The following CCR3 variants were observed in gnomAD, a reference collection of about 807,000 sequenced individuals.
CCR3 encodes C-C chemokine receptor type 3.
For missense variants in CCR3, 419 were observed against 437.5 expected, an observed-to-expected ratio of 0.96 and a Z score of 0.38; for synonymous variants, 203 against 179.2, an observed-to-expected ratio of 1.13 and a Z score of -1.06.
chr3:46,216,635 C>T (rs1404944919), intron 2 of CCR3, among the ~76,000 whole-genome samples: 1 of 152,094 alleles, frequency 6.6e-6, no homozygotes, highest in Non-Finnish European at 1.5e-5. Flanking sequence ...ATAATGAAAA[C>T]CTATCAGATT....
At chr3:46,234,282 T>C (rs1699999717) in intron 2 of CCR3, among the ~76,000 whole-genome samples, 1 of 152,214 alleles carries the variant, frequency 6.6e-6, no homozygotes, top group Non-Finnish European at 1.5e-5. Flanking sequence ...CAGTGCATGC[T>C]TTTATCCTAA....
intron 2 of CCR3, among the ~76,000 whole-genome samples, chr3:46,218,749 T>A (rs1333012708): frequency 6.6e-6 from 1 of 152,076 alleles, no homozygotes; most frequent in East Asian, 1.9e-4. Context: ...CTCAATAGAT[T>A]CAGAAAAAGT....
chr3:46,222,095 C>T (rs1261696266), intron 2 of CCR3, among the ~76,000 whole-genome samples: 3 of 152,208 alleles, frequency 2.0e-5, no homozygotes, highest in Non-Finnish European at 4.4e-5. Flanking sequence ...CTCTCTAGGA[C>T]AATAAGGCGT....
intron 1 of CCR3, among the ~76,000 whole-genome samples, chr3:46,253,054 G>A (rs919123362): frequency 6.6e-6 from 1 of 152,068 alleles, no homozygotes; most frequent in Non-Finnish European, 1.5e-5. Flanking sequence ...CAGAGACTCT[G>A]ATTTAATTGT....
chr3:46,262,573 T>G (rs17283712), intron 1 of CCR3, among the ~76,000 whole-genome samples: 8,757 of 152,298 alleles, frequency 0.057, 386 homozygotes, highest in South Asian at 0.19. Context: ...CACTATTTTG[T>G]ATCTAAGTAT....
intron 1 of CCR3, chr3:46,263,689 A>ACTT (rs1700567124): frequency 6.6e-6 from 1 of 152,116 alleles, no homozygotes; most frequent in African/African-American, 2.4e-5. Flanking sequence ...ATTTTTCCTC[A>ACTT]TCACAACCCC....
At chr3:46,233,912 G>A (rs1027676871) in intron 2 of CCR3, among the ~76,000 whole-genome samples, 2 of 152,198 alleles carry the variant, frequency 1.3e-5, no homozygotes, top group African/African-American at 4.8e-5. Flanking sequence ...TGTGGCTTTT[G>A]CCAAGTCCCT....
At position 46,246,876 on chromosome 3, in the gene CCR3, G is replaced by C. The variant is rs951827929; in HGVS notation, c.-12+4338G>C. On this transcript the variant is annotated intron_variant, in intron 1 of 1. Transcript: ENST00000395940. ...GGATTAGGGGCGGCGTGGGAACCTA[G>C]AGTGGGAGAGATTAAGCTGAAGGGA... 7.2e-5 allele frequency among the ~76,000 whole-genome samples: 11 copies of C among 152,120 alleles called. 1 individual carries two copies. The highest frequency in any genetic ancestry group is 2.4e-4 in the African/African-American group (10 of 41,398).
At chr3:46,216,178 T>C (rs1284013174) in intron 2 of CCR3, among the ~76,000 whole-genome samples, 1 of 152,222 alleles carries the variant, frequency 6.6e-6, no homozygotes, top group Non-Finnish European at 1.5e-5. Context: ...TGGCAGAAGA[T>C]ACAGATTACA....
At chr3:46,252,552 C>T (rs1475606146) in intron 1 of CCR3, among the ~76,000 whole-genome samples, 1 of 152,026 alleles carries the variant, frequency 6.6e-6, no homozygotes, top group Admixed American at 6.5e-5. Flanking sequence ...TGGACCACTG[C>T]ACAGATAACT....
intron 1 of CCR3, among the ~76,000 whole-genome samples, chr3:46,254,915 C>G (rs1700388614): frequency 6.6e-6 from 1 of 152,048 alleles, no homozygotes; most frequent in Non-Finnish European, 1.5e-5. Context: ...TGGGTAGATA[C>G]CCAGGAGTAG....
At chr3:46,254,442 A>C (rs1198069506) in intron 1 of CCR3, among the ~76,000 whole-genome samples, 1 of 120,410 alleles carries the variant, frequency 8.3e-6, no homozygotes, top group Non-Finnish European at 1.7e-5. Flanking sequence ...TAGTTTATAA[A>C]GCATAAAGGG....
intron 2 of CCR3, among the ~76,000 whole-genome samples, chr3:46,219,933 A>C (rs1699815973): frequency 6.6e-6 from 1 of 152,226 alleles, no homozygotes; most frequent in Non-Finnish European, 1.5e-5. Flanking sequence ...GGCCTAAGCA[A>C]AGAGTTCATG....
intron 2 of CCR3, among the ~76,000 whole-genome samples, chr3:46,221,372 A>T (rs1472438044): frequency 1.3e-5 from 2 of 152,334 alleles, no homozygotes; most frequent in South Asian, 4.1e-4. Flanking sequence ...GTTTATATAA[A>T]TCTTTGGTTT....
chr3:46,231,289 T>C (rs1164911126), intron 2 of CCR3, among the ~76,000 whole-genome samples: 1 of 152,210 alleles, frequency 6.6e-6, no homozygotes, highest in East Asian at 1.9e-4. Context: ...CAGCACTCCA[T>C]ATGGAAATGG....
chr3:46,225,274 G>A (rs1212467640), intron 2 of CCR3, among the ~76,000 whole-genome samples: 1 of 152,180 alleles, frequency 6.6e-6, no homozygotes, highest in African/African-American at 2.4e-5. Context: ...TGTCTTGACT[G>A]GTGGTTACAT....
intron 2 of CCR3, among the ~76,000 whole-genome samples, chr3:46,222,772 G>A (rs559752533): frequency 1.3e-5 from 2 of 152,280 alleles, no homozygotes; most frequent in South Asian, 2.1e-4. Context: ...AATAGTGAGA[G>A]TAATATTTCT....
At chr3:46,240,092 G>A (rs914357051), upstream of CCR3, among the ~76,000 whole-genome samples, 1 of 152,132 alleles carries the variant, frequency 6.6e-6, no homozygotes, top group African/African-American at 2.4e-5. Flanking sequence ...TTGACCGCCT[G>A]TTGGCATGTC....
intron 2 of CCR3, among the ~76,000 whole-genome samples, chr3:46,221,491 C>T (rs893991968): frequency 6.6e-6 from 1 of 152,162 alleles, no homozygotes; most frequent in South Asian, 2.1e-4. Flanking sequence ...CCCTCACATG[C>T]CCCCCGCAGC....
Sources: allele counts gnomAD v4.1 joint callset (sites outside exome capture counted in the v4.1 genomes callset), GRCh38; gene constraint gnomAD v4.1.1; transcripts MANE v1.5; gene names NCBI Gene and HGNC (gene_info 2026-07-23, HGNC 2026-07-21).